The following MYO5A variants were observed in gnomAD, a reference collection of about 807,000 sequenced individuals.
MYO5A encodes myosin VA.
Under a neutral mutation model 249.7 loss-of-function variants are expected in MYO5A, and 98 were observed. The observed-to-expected ratio is 0.39, with a 90% CI of 0.33 to 0.46. MYO5A has a LOEUF of 0.46. Ranked by LOEUF, MYO5A falls within the 20% of genes least tolerant of loss-of-function variation. The pLI, the probability that MYO5A is intolerant of heterozygous loss-of-function variation, is 0.98. For missense variants in MYO5A, 1,696 were observed against 2,308.8 expected, an observed-to-expected ratio of 0.73 and a Z score of 5.44; for synonymous variants, 778 against 810.6, an observed-to-expected ratio of 0.96 and a Z score of 0.68.
chr15:52,362,987 T>C (rs1394255622), intron 24 of MYO5A, among the ~76,000 whole-genome samples: 1 of 152,266 alleles, frequency 6.6e-6, no homozygotes, highest in Non-Finnish European at 1.5e-5. Flanking sequence ...CATTTGTTTA[T>C]CTCTGTTTAA....
chr15:52,521,160 A>G (rs1300951050), intron 1 of MYO5A, among the ~76,000 whole-genome samples: 1 of 150,956 alleles, frequency 6.6e-6, no homozygotes, highest in East Asian at 2.0e-4. Flanking sequence ...CACAGGAGGC[A>G]GAGGTTGCAG....
In MYO5A at chr15:52,364,623, G is replaced by A. The variant is rs1338307250; in HGVS notation, c.3240C>T (p.Asn1080=). 1 of 1,613,672 alleles carries A rather than the reference G, an allele frequency of 6.2e-7. No individual in the cohort carries two copies. Among genetic ancestry groups the A allele is most frequent in the Non-Finnish European group, 8.5e-7 (1 of 1,179,890 alleles). ...CCAGGCGACTGAACTCATTCAGAAG[G>A]TTCTGATATCTCAGCCTTTCATCAT... ...DLNDERLRYQ[N]LLNEFSRLEE... is the part of the protein sequence containing the mutation. Residue 1080 remains asparagine (N), a synonymous_variant, in exon 24 of 42, where the codon AAC becomes AAT. Transcript: ENST00000399233.
intron 37 of MYO5A, 96 bp downstream of exon 37, chr15:52,323,259 T>C (rs2038418611): frequency 8.8e-7 from 1 of 1,136,856 alleles, no homozygotes; most frequent in Non-Finnish European, 1.3e-6. Flanking sequence ...TTTGGGTTCC[T>C]AAATAAATGG....
chr15:52,351,313 C>T lies in MYO5A; in HGVS notation c.3790G>A (p.Glu1264Lys). 4 of 1,614,206 alleles carry T rather than the reference C, an allele frequency of 2.5e-6. No homozygotes were observed. Among genetic ancestry groups the T allele is most frequent in the Non-Finnish European group, 3.4e-6 (4 of 1,180,040 alleles). The part of the protein sequence containing the change: ...SVSEELDVRK[E>K]EVLILRSQLV... Reference sequence around the variant, plus strand: ...TGAGACCTTAAGATGAGGACTTCCTCCTTGCGGACATCAAGCTCCTCGCTC... The same window carrying T: ...TGAGACCTTAAGATGAGGACTTCCTTCTTGCGGACATCAAGCTCCTCGCTC... The change falls in exon 28 of 42, where the codon GAG becomes AAG. Residue 1264 changes from glutamate to lysine, a missense_variant. Transcript: ENST00000399233.
At chr15:52,376,137 C>G (rs2041400261) in intron 19 of MYO5A, among the ~76,000 whole-genome samples, 1 of 152,112 alleles carries the variant, frequency 6.6e-6, no homozygotes, top group Non-Finnish European at 1.5e-5. Flanking sequence ...AAGTAAGCAG[C>G]AGTTTGTAAA....
chr15:52,496,947 T>A (rs28416694), intron 1 of MYO5A, among the ~76,000 whole-genome samples: 1 of 151,930 alleles, frequency 6.6e-6, no homozygotes, highest in African/African-American at 2.4e-5. Flanking sequence ...TGCAAGAGGG[T>A]GTGATCTTAG....
chr15:52,524,512 C>G (rs1056173049), intron 1 of MYO5A, among the ~76,000 whole-genome samples: 1 of 151,708 alleles, frequency 6.6e-6, no homozygotes. Flanking sequence ...CATGTTCACA[C>G]CACTACACCT....
At chr15:52,528,542 C>T (rs983770291) in intron 1 of MYO5A, among the ~76,000 whole-genome samples, 1 of 152,232 alleles carries the variant, frequency 6.6e-6, no homozygotes, top group African/African-American at 2.4e-5. Flanking sequence ...AGCAGCGCGG[C>T]AGGGGCCTGG....
chr15:52,361,778 G>A (rs1051416274), intron 24 of MYO5A, among the ~76,000 whole-genome samples: 4 of 152,148 alleles, frequency 2.6e-5, no homozygotes, highest in African/African-American at 4.8e-5. Flanking sequence ...TTGTTCCCCC[G>A]TTTATACGTT....
chr15:52,359,682 TA>T (rs1245991075), intron 25 of MYO5A, among the ~76,000 whole-genome samples: 1 of 152,188 alleles, frequency 6.6e-6, no homozygotes, highest in Non-Finnish European at 1.5e-5. Context: ...CATATCATGT[TA>T]GGGGTAAAGA....
At chr15:52,359,471 T>TA (rs995513962) in intron 25 of MYO5A, among the ~76,000 whole-genome samples, 17 of 152,282 alleles carry the variant, frequency 1.1e-4, no homozygotes, top group African/African-American at 4.1e-4. Context: ...AGAAGAAAGT[T>TA]ACATTGGTAA....
chr15:52,515,400 C>T lies in MYO5A; in HGVS notation c.27+13380G>A, dbSNP rs568041534. Among the ~76,000 whole-genome samples the T allele has an allele frequency of 2.6e-4, 40 of 152,054 alleles. 1 individual carries two copies. In the South Asian group the frequency reaches 7.9e-3, roughly 30 times the overall value. ...GGGTGTGGGGGAAAGTAAATCAAGA[C>T]GATTTCTAAGTTTTGTGTTTGGGTT... On this transcript the variant is annotated intron_variant, in intron 1 of 41. Transcript: ENST00000399233.
intron 1 of MYO5A, among the ~76,000 whole-genome samples, chr15:52,520,198 T>A (rs964740142): frequency 6.6e-6 from 1 of 152,142 alleles, no homozygotes; most frequent in African/African-American, 2.4e-5. Flanking sequence ...CTGAGGGTAG[T>A]TGTTTATTTT....
At chr15:52,397,615 A>T in intron 9 of MYO5A, 149 bp from the exon 10 acceptor site, 1 of 959,228 alleles carries the variant, frequency 1.0e-6, no homozygotes, top group South Asian at 1.5e-5. Flanking sequence ...TAGTGATAAT[A>T]ATCACATTCA....
At chr15:52,355,144 G>A (rs1171707017) in intron 25 of MYO5A, among the ~76,000 whole-genome samples, 1 of 152,112 alleles carries the variant, frequency 6.6e-6, no homozygotes, top group African/African-American at 2.4e-5. Context: ...TTACAATCAG[G>A]AAGAATGATT....
intron 3 of MYO5A, among the ~76,000 whole-genome samples, chr15:52,428,003 T>C (rs1211020081): frequency 1.3e-5 from 2 of 152,200 alleles, no homozygotes; most frequent in African/African-American, 4.8e-5. Flanking sequence ...AAGTTAGTTC[T>C]GCATGGCTGA....
intron 26 of MYO5A, 62 bp from the exon 27 acceptor site, chr15:52,353,720 T>A: frequency 6.3e-7 from 1 of 1,589,830 alleles, no homozygotes; most frequent in East Asian, 2.2e-5. Flanking sequence ...AATATTTACT[T>A]GCTCTACCGA....
intron 30 of MYO5A, among the ~76,000 whole-genome samples, chr15:52,345,477 C>T (rs573559955): frequency 5.3e-5 from 8 of 151,322 alleles, no homozygotes; most frequent in East Asian, 1.9e-4. Flanking sequence ...CCCAGCTACT[C>T]GAGAGGCTGA....
chr15:52,388,110 G>A (rs569371651), intron 13 of MYO5A, among the ~76,000 whole-genome samples, 198 bp from the exon 14 acceptor site: 5 of 152,090 alleles, frequency 3.3e-5, no homozygotes, highest in Non-Finnish European at 7.4e-5. Context: ...CTCAAATATC[G>A]TTTTTCCTAG....
Sources: gnomAD v4.1 joint callset for allele counts (sites outside exome capture counted in the v4.1 genomes callset) on GRCh38, gnomAD v4.1.1 for gene constraint, MANE v1.5 for transcripts, NCBI Gene and HGNC (gene_info 2026-07-23, HGNC 2026-07-21) for gene names.